HACE1: variants seen among roughly 807,000 people sequenced by gnomAD.
The protein encoded by HACE1 is HECT domain and ankyrin repeat containing E3 ubiquitin protein ligase 1.
A neutral mutation model predicts 118.4 loss-of-function variants in HACE1; 73 were observed. The ratio of observed to expected loss-of-function variants is 0.62; its 90% confidence interval spans 0.51 to 0.75. HACE1 has a LOEUF of 0.75. Among genes scored for constraint, HACE1 ranks in the 30% least tolerant of loss-of-function variants. The probability of loss-of-function intolerance (pLI) is 0.00; values close to 1 mark genes in which losing one functional copy is unlikely to be tolerated. For missense variants in HACE1, 749 were observed against 1,102.2 expected (o/e 0.68, Z 4.54); for synonymous variants, 368 against 374.8 (o/e 0.98, Z 0.21).
Position 104,771,916 on chromosome 6 carries a change from G to T in HACE1, c.2014+9C>A. 1 of 1,557,102 alleles carries T rather than the reference G, an allele frequency of 6.4e-7. No individual in the cohort carries two copies. The highest frequency in any genetic ancestry group is 1.1e-5 in the South Asian group (1 of 89,692). ...ATAAATGTCTGCAGAAATAATAATAGAGCCATACCAAGAATGTGCTTGTAG... is the reference window on the plus strand; with the variant it reads ...ATAAATGTCTGCAGAAATAATAATATAGCCATACCAAGAATGTGCTTGTAG... On this transcript the variant is annotated intron_variant, in intron 18 of 23. Transcript: ENST00000262903.
Position 104,796,910 on chromosome 6 carries a change from A to G in HACE1, c.714+19T>C. On this transcript the variant is annotated intron_variant, in intron 8 of 23. Transcript: ENST00000262903. ...CTATTATAAAGATAAGGGGCTCAGA[A>G]TATAAATGAAAAACACACCTGTACA... The G allele has an allele frequency of 7.4e-7, 1 of 1,360,172 alleles. No individual in the cohort carries two copies. Among genetic ancestry groups the G allele is most frequent in the Non-Finnish European group, 1.1e-6 (1 of 948,526 alleles). The allele number at this position is 1,360,172 out of a possible 1,614,324, so 84.3% of individuals were successfully genotyped here.
chr6:104,783,358 C>T (rs1227786543), intron 14 of HACE1, among the ~76,000 whole-genome samples: 5 of 152,200 alleles, frequency 3.3e-5, no homozygotes, highest in Admixed American at 6.5e-5. Context: ...CCCAGCCAGA[C>T]TGAATTAGAA....
intron 4 of HACE1, among the ~76,000 whole-genome samples, chr6:104,844,345 T>A (rs1238416468): frequency 1.0e-5 from 1 of 98,932 alleles, no homozygotes; most frequent in South Asian, 3.3e-4. Flanking sequence ...ATCATAAACA[T>A]TTTTTTTTTT....
intron 4 of HACE1, among the ~76,000 whole-genome samples, chr6:104,844,684 CAG>C (rs1454236359): frequency 1.5e-5 from 2 of 129,482 alleles, no homozygotes; most frequent in Admixed American, 8.3e-5. Flanking sequence ...TTTTTTGAGA[CAG>C]AGTTTCACTT....
chr6:104,804,585 A>T (rs1463538746), intron 7 of HACE1, among the ~76,000 whole-genome samples: 1 of 152,170 alleles, frequency 6.6e-6, no homozygotes, highest in Non-Finnish European at 1.5e-5. Context: ...ATCTTTGACA[A>T]ACCTGACAAC....
intron 4 of HACE1, among the ~76,000 whole-genome samples, chr6:104,847,090 T>C (rs750941565): frequency 1.1e-4 from 16 of 149,200 alleles, no homozygotes; most frequent in Non-Finnish European, 1.5e-4. Context: ...TGTGCCACTT[T>C]ATTTGTTTCT....
intron 14 of HACE1, among the ~76,000 whole-genome samples, chr6:104,780,106 T>A (rs1781574200): frequency 6.6e-6 from 1 of 152,176 alleles, no homozygotes; most frequent in South Asian, 2.1e-4. Context: ...CACAGCAATG[T>A]TAAAATTATT....
At chr6:104,841,653 A>AT (rs1562491009) in intron 5 of HACE1, among the ~76,000 whole-genome samples, 4 of 152,140 alleles carry the variant, frequency 2.6e-5, no homozygotes, top group African/African-American at 9.7e-5. Context: ...TCATTCCCCA[A>AT]TTTTTAATCA....
chr6:104,838,054 TGAA>T (rs1774722333), intron 5 of HACE1, among the ~76,000 whole-genome samples: 1 of 151,978 alleles, frequency 6.6e-6, no homozygotes, highest in Non-Finnish European at 1.5e-5. Flanking sequence ...TGCAAGAAAC[TGAA>T]GAAGACACAC....
chr6:104,752,740 T>A, intron 19 of HACE1, among the ~76,000 whole-genome samples: 1 of 152,136 alleles, frequency 6.6e-6, no homozygotes, highest in East Asian at 1.9e-4. Context: ...ACATTTTATT[T>A]TTTAATTAAT....
intron 10 of HACE1, among the ~76,000 whole-genome samples, chr6:104,793,794 C>T (rs1783324324): frequency 6.6e-6 from 1 of 152,034 alleles, no homozygotes; most frequent in South Asian, 2.1e-4. Context: ...TAAGAATTAC[C>T]TTTTTACAGT....
At chr6:104,837,968 C>G (rs1774711393) in intron 5 of HACE1, among the ~76,000 whole-genome samples, 1 of 151,834 alleles carries the variant, frequency 6.6e-6, no homozygotes. Flanking sequence ...ATGACAGCTA[C>G]AAATAAAATA....
At chr6:104,859,028 T>G (rs1167075344) in intron 1 of HACE1, among the ~76,000 whole-genome samples, 1 of 152,212 alleles carries the variant, frequency 6.6e-6, no homozygotes, top group Non-Finnish European at 1.5e-5. Context: ...AAAAATATAT[T>G]GTGTTTACCC....
chr6:104,747,390 G>A (rs1020861376), intron 20 of HACE1, among the ~76,000 whole-genome samples: 1 of 152,032 alleles, frequency 6.6e-6, no homozygotes, highest in Admixed American at 6.6e-5. Context: ...CAGTACACTG[G>A]AGCTACTCGA....
At chr6:104,761,554 G>A (rs1006083604) in intron 19 of HACE1, among the ~76,000 whole-genome samples, 5 of 152,076 alleles carry the variant, frequency 3.3e-5, no homozygotes, top group South Asian at 4.2e-4. Context: ...AACTCAAGAC[G>A]GATGAAAGAC....
At chr6:104,766,096 CAAAAG>C (rs1040310290) in intron 19 of HACE1, among the ~76,000 whole-genome samples, 25 of 152,214 alleles carry the variant, frequency 1.6e-4, no homozygotes, top group Non-Finnish European at 2.2e-4. Context: ...AGAAAATAAG[CAAAAG>C]AAAAGAAAAG....
intron 4 of HACE1, among the ~76,000 whole-genome samples, chr6:104,846,967 T>C (rs778951161): frequency 1.6e-4 from 24 of 152,252 alleles, no homozygotes; most frequent in Admixed American, 1.3e-4. Flanking sequence ...CCTTTTCTTC[T>C]TGCTGAATAG....
rs758534543 is a variant in HACE1, at chr6:104,771,398, T to C, written c.2015-9A>G. The C allele has an allele frequency of 1.9e-6, 3 of 1,588,276 alleles. No homozygotes were observed. The highest frequency in any genetic ancestry group is 2.6e-6 in the Non-Finnish European group (3 of 1,157,154). On this transcript the variant is annotated splice_polypyrimidine_tract_variant and intron_variant, in intron 18 of 23. Transcript: ENST00000262903. ...GTAATTTACAGGAATACCTAAAAAA[T>C]GCAAACATACAGCAGTTATAGTCTG...
At chr6:104,820,529 A>T (rs1276756243) in intron 6 of HACE1, among the ~76,000 whole-genome samples, 2 of 152,228 alleles carry the variant, frequency 1.3e-5, no homozygotes, top group African/African-American at 2.4e-5. Flanking sequence ...TGGGCAAAGG[A>T]CATGAACAGA....
Sources: allele counts gnomAD v4.1 joint callset (sites outside exome capture counted in the v4.1 genomes callset), GRCh38; gene constraint gnomAD v4.1.1; transcripts MANE v1.5; gene names NCBI Gene and HGNC (gene_info 2026-07-23, HGNC 2026-07-21).